Variants in NCALD observed in about 807,000 individuals in gnomAD.
NCALD encodes the protein neurocalcin delta, also known as neurocalcin-delta.
NCALD carries 10 observed loss-of-function variants against 18.6 expected under a neutral mutation model. The ratio of observed to expected loss-of-function variants is 0.54; its 90% CI spans 0.33 to 0.91. The LOEUF is 0.91. Ranked by LOEUF, NCALD falls within the 40% of genes least tolerant of loss-of-function variation. NCALD has a pLI of 0.03. For synonymous variants in NCALD, 88 were observed against 87.4 expected, an observed-to-expected ratio of 1.01 and a Z score of -0.04; for missense variants, 184 against 247.6, an observed-to-expected ratio of 0.74 and a Z score of 1.72.
chr8:102,034,522 A>C (rs1413727534), intron 1 of NCALD, among the ~76,000 whole-genome samples: 1 of 152,162 alleles, frequency 6.6e-6, no homozygotes, highest in South Asian at 2.1e-4. Context: ...ATTCATCCTT[A>C]TACCTTCCTC....
chr8:101,708,943 G>A (rs1223563657), intron 2 of NCALD, among the ~76,000 whole-genome samples: 1 of 152,194 alleles, frequency 6.6e-6, no homozygotes, highest in Non-Finnish European at 1.5e-5. Flanking sequence ...AAAAGGAGAG[G>A]AAATATCAAT....
chr8:101,898,760 T>C (rs193233342), intron 3 of NCALD, among the ~76,000 whole-genome samples: 37 of 152,288 alleles, frequency 2.4e-4, no homozygotes, highest in Admixed American at 2.2e-3. Context: ...CTTTGCTAAT[T>C]CCACACAGTC....
chr8:101,922,336 G>C (rs960880429), intron 2 of NCALD, among the ~76,000 whole-genome samples: 1 of 152,152 alleles, frequency 6.6e-6, no homozygotes, highest in Non-Finnish European at 1.5e-5. Context: ...TGATGTGTAA[G>C]ACAACTGGGT....
chr8:102,097,216 CAGTT>C (rs1333038416), intron 1 of NCALD, among the ~76,000 whole-genome samples: 2 of 152,042 alleles, frequency 1.3e-5, no homozygotes, highest in Non-Finnish European at 2.9e-5. Flanking sequence ...GTGAGACTAA[CAGTT>C]AGGAACCACA....
intron 2 of NCALD, among the ~76,000 whole-genome samples, chr8:102,002,781 T>G (rs763383043): frequency 7.2e-5 from 11 of 151,938 alleles, no homozygotes; most frequent in Non-Finnish European, 1.3e-4. Context: ...ATGACTACTG[T>G]GTACATAACG....
At chr8:101,734,481 C>T (rs1037104346) in intron 1 of NCALD, among the ~76,000 whole-genome samples, 2 of 152,198 alleles carry the variant, frequency 1.3e-5, no homozygotes, top group African/African-American at 4.8e-5. Flanking sequence ...CATATTGTAT[C>T]CCTGGCACCT....
Position 101,914,986 on chromosome 8 carries a change from C to CTTAATTTATT in NCALD, c.-107+813_-107+822dup, listed in dbSNP as rs559312401. ...TGGGATCTTGGAATGTCCCTGTATTCTTAATTTATTTTAATTTATTTGACA... is the reference window on the plus strand; with the variant it reads ...TGGGATCTTGGAATGTCCCTGTATTCTTAATTTATTTTAATTTATTTTAATTTATTTGACA... On this transcript the variant is annotated intron_variant, in intron 3 of 6. Transcript: ENST00000311028. Among the ~76,000 whole-genome samples the CTTAATTTATT allele has an allele frequency of 7.1e-3, 1,086 of 152,262 alleles. 3 individuals carry two copies. The highest frequency in any genetic ancestry group is 0.037 in the South Asian group (178 of 4,822).
rs534519455 is a variant in NCALD, at chr8:101,784,621, A to AC, written c.-20+6240dup. Among the ~76,000 whole-genome samples, 51 of 152,090 alleles carry AC rather than the reference A, an allele frequency of 3.4e-4. 1 individual carries two copies. The South Asian group carries it at 9.8e-3, about 29-fold the overall frequency. ...AGACCAGCCTGGGCAACATAGTGAG[A>AC]CCCCAAGTCTATAAAAATAAAAACA... On this transcript the variant is annotated intron_variant, in intron 1 of 3. Coordinates refer to ENST00000220931, the MANE Select transcript of NCALD (RefSeq NM_032041.3).
rs77124244 is a variant in NCALD, at chr8:101,957,373, C to G, written c.-156-41515G>C. On this transcript the variant is annotated intron_variant, in intron 2 of 6. Coordinates refer to the NCALD transcript ENST00000311028. Reference sequence around the variant, plus strand: ...TGAAGATAAACAAGAAGTTGCCCTCCGCAGCCAAAGAGCATAATACCCAGG... The same window carrying G: ...TGAAGATAAACAAGAAGTTGCCCTCGGCAGCCAAAGAGCATAATACCCAGG... Among the ~76,000 whole-genome samples the G allele has an allele frequency of 8.9e-3, 1,326 of 148,354 alleles. 13 individuals carry two copies. The highest frequency in any genetic ancestry group is 0.029 in the Middle Eastern group (8 of 278).
chr8:101,850,195 G>T (rs1025792428), intron 4 of NCALD, among the ~76,000 whole-genome samples: 14 of 152,216 alleles, frequency 9.2e-5, no homozygotes, highest in African/African-American at 3.4e-4. Flanking sequence ...CCCTGCAAAG[G>T]AAAATTCTCG....
Position 101,894,122 on chromosome 8 carries a change from C to A in NCALD, c.-106-6895G>T, listed in dbSNP as rs1266080425. The stretch of plus-strand genomic sequence containing the variant: ...ACCACATACTTGGAAGTAAAGCTCT[C>A]CTCAGCAAATGTAAAAGAACAGAAA... On this transcript the variant is annotated intron_variant, in intron 3 of 6. Coordinates refer to the NCALD transcript ENST00000311028. Among the ~76,000 whole-genome samples, 41 of 143,984 alleles carry A rather than the reference C, an allele frequency of 2.8e-4. 1 individual carries two copies. The highest frequency in any genetic ancestry group is 1.1e-3 in the African/African-American group (40 of 35,370). The allele number at this position is 143,984 out of a possible 152,430, so 94.5% of individuals were successfully genotyped here.
chr8:101,803,708 T>TGACTTCCTATAGGGGTTGAA (rs1812952967), intron 4 of NCALD, among the ~76,000 whole-genome samples: 1 of 152,224 alleles, frequency 6.6e-6, no homozygotes, highest in African/African-American at 2.4e-5. Flanking sequence ...CCTTCATGGA[T>TGACTTCCTATAGGGGTTGAA]GACTTCCTAT....
intron 4 of NCALD, among the ~76,000 whole-genome samples, chr8:101,821,872 G>T (rs1042974357): frequency 7.9e-6 from 1 of 127,106 alleles, no homozygotes; most frequent in Non-Finnish European, 1.6e-5. Context: ...GAACCTCTTG[G>T]GTTCTAAGTA....
chr8:101,882,566 C>T (rs1002403077), intron 4 of NCALD, among the ~76,000 whole-genome samples: 3 of 152,028 alleles, frequency 2.0e-5, no homozygotes, highest in South Asian at 2.1e-4. Context: ...TTATAGCAGC[C>T]GAAGCAGACT....
intron 2 of NCALD, chr8:102,020,170 A>G (rs1187680006): frequency 6.6e-6 from 1 of 152,180 alleles, no homozygotes; most frequent in Non-Finnish European, 1.5e-5. Flanking sequence ...AGGCTTATGT[A>G]TGTCTTAGGG....
At chr8:101,690,456 T>G (rs982896213) in intron 3 of NCALD, 1 of 985,482 alleles carries the variant, frequency 1.0e-6, no homozygotes, top group Non-Finnish European at 1.2e-6. Context: ...TCTGCACGCC[T>G]GTGGGTTTTT....
intron 1 of NCALD, among the ~76,000 whole-genome samples, chr8:101,772,370 C>A (rs1024947290): frequency 6.6e-6 from 1 of 152,162 alleles, no homozygotes; most frequent in Non-Finnish European, 1.5e-5. Flanking sequence ...AGTCTTAGAG[C>A]AGAATCCAAG....
intron 1 of NCALD, among the ~76,000 whole-genome samples, chr8:101,766,299 CAT>C (rs1226096060): frequency 6.6e-6 from 1 of 152,104 alleles, no homozygotes; most frequent in East Asian, 1.9e-4. Context: ...TAATCTTTAA[CAT>C]GTTTTTCTTG....
intron 1 of NCALD, among the ~76,000 whole-genome samples, chr8:101,726,993 G>A (rs184130486): frequency 7.2e-5 from 11 of 152,304 alleles, no homozygotes; most frequent in African/African-American, 2.6e-4. Context: ...AGCGAAGTAG[G>A]CAGACAAACA....
Sources: allele counts gnomAD v4.1 joint callset (sites outside exome capture counted in the v4.1 genomes callset), GRCh38; gene constraint gnomAD v4.1.1; transcripts MANE v1.5; gene names NCBI Gene and HGNC (gene_info 2026-07-23, HGNC 2026-07-21).